DNM2: variants seen among roughly 807,000 people sequenced by gnomAD.
DNM2 encodes the protein dynamin-2.
Under a neutral mutation model 99.0 loss-of-function variants are expected in DNM2, and 15 were observed. That is an observed-to-expected ratio of 0.15 (90% CI 0.10 to 0.23). DNM2 has a LOEUF of 0.23. DNM2 is among the 10% of genes least tolerant of loss of function. The probability of loss-of-function intolerance (pLI) is 1.00; values close to 1 mark genes in which losing one functional copy is unlikely to be tolerated. For missense variants in DNM2, 742 were observed against 1,189.4 expected (o/e 0.62, Z 5.53); for synonymous variants, 525 against 481.2 (o/e 1.09, Z -1.19).
chr19:10,831,204 C>T lies in DNM2; in HGVS notation c.*157C>T. On this transcript the variant is annotated 3_prime_UTR_variant, in exon 21 of 21. Transcript: ENST00000389253. The surrounding 1 kb of genome is among the most constrained non-coding windows in gnomAD (Gnocchi z 4.3). ...GCTGGCCCCGGTCCAGGGCCGGCCC[C>T]TGTGCCTGGCTGGACACCGCACTGC... 1 of 1,395,064 alleles carries T rather than the reference C, an allele frequency of 7.2e-7. No homozygotes were observed. The highest frequency in any genetic ancestry group is 2.8e-5 in the East Asian group (1 of 35,276). The allele number at this position is 1,395,064 out of a possible 1,614,324, so 86.4% of individuals were successfully genotyped here.
rs2070743594 is a variant in DNM2 at position 10,764,835 on chromosome 19, C to T, written c.235+5024C>T. 6.6e-6 allele frequency among the ~76,000 whole-genome samples: 1 copy of T among 152,218 alleles called. No individual in the cohort carries two copies. Among genetic ancestry groups the T allele is most frequent in the Non-Finnish European group, 1.5e-5 (1 of 68,032 alleles). On this transcript the variant is annotated intron_variant, in intron 2 of 20. Coordinates refer to ENST00000389253, the MANE Select transcript of DNM2 (RefSeq NM_001005361.3). This position sits in a 1 kb window ranked among gnomAD's most constrained non-coding sequence, Gnocchi z 4.1. ...CTGCTTGGCCTCTGTGCTCACTGTG[C>T]TGCCTGCCTGGAACGCCCTGTTCCC...
At chr19:10,806,099 C>A in intron 13 of DNM2, 132 bp downstream of exon 13, 1 of 1,130,566 alleles carries the variant, frequency 8.8e-7, no homozygotes, top group East Asian at 2.5e-5. Flanking sequence ...GCCATCTGCT[C>A]TCTCTAGAGG....
chr19:10,813,825 CAA>C (rs371141451), intron 15 of DNM2, among the ~76,000 whole-genome samples: 28 of 114,976 alleles, frequency 2.4e-4, no homozygotes, highest in Admixed American at 3.7e-4. Context: ...GACACTGTCT[CAA>C]AAAAAAAAAA....
At chr19:10,758,767 A>G (rs1599493229) in intron 1 of DNM2, among the ~76,000 whole-genome samples, 1 of 151,648 alleles carries the variant, frequency 6.6e-6, no homozygotes, top group Admixed American at 6.6e-5. Context: ...GGCTGGTCTC[A>G]AACTCCTGAC....
At chr19:10,733,620 A>T (rs2069415525) in intron 1 of DNM2, among the ~76,000 whole-genome samples, 1 of 152,172 alleles carries the variant, frequency 6.6e-6, no homozygotes, top group African/African-American at 2.4e-5. Flanking sequence ...ACAACCAAGA[A>T]ATTAACCTAG....
intron 1 of DNM2, among the ~76,000 whole-genome samples, chr19:10,758,696 GCCACCACACTT>G (rs1365665019): frequency 6.6e-6 from 1 of 151,286 alleles, no homozygotes; most frequent in Non-Finnish European, 1.5e-5. Flanking sequence ...ACAGGCGTGT[GCCACCACACTT>G]GGATAATTTT....
rs2145925069 is a variant in DNM2, at chr19:10,775,959, T to C, written c.589+53T>C. The C allele has an allele frequency of 6.3e-7, 1 of 1,592,430 alleles. No homozygotes were observed. The highest frequency in any genetic ancestry group is 1.3e-5 in the African/African-American group (1 of 74,706). On this transcript the variant is annotated intron_variant, in intron 4 of 20. Coordinates refer to ENST00000389253, the MANE Select transcript of DNM2 (RefSeq NM_001005361.3). This position sits in a 1 kb window ranked among gnomAD's most constrained non-coding sequence, Gnocchi z 4.3. ...CTTCCAGGTGCCTCTGAGCATGGGA[T>C]GTGCCCAGCATCCTTGGTTCCAAGT...
intron 18 of DNM2, among the ~76,000 whole-genome samples, chr19:10,828,755 C>T (rs1568323799): frequency 6.6e-6 from 1 of 151,944 alleles, no homozygotes; most frequent in Admixed American, 6.6e-5. Context: ...GGAACCCTAT[C>T]TCTAAAAAAA....
intron 4 of DNM2, 70 bp from the exon 5 acceptor site, chr19:10,777,048 G>A: frequency 1.3e-6 from 2 of 1,516,680 alleles, no homozygotes; most frequent in Non-Finnish European, 1.8e-6. Flanking sequence ...GACCCCAGGT[G>A]GCTTGCAGCT....
chr19:10,786,751 C>A, intron 7 of DNM2, 45 bp downstream of exon 7: 5 of 1,612,594 alleles, frequency 3.1e-6, no homozygotes, highest in Non-Finnish European at 4.2e-6. Flanking sequence ...TGGCCCCTGC[C>A]TTCCATCAGC....
rs886054140 is a variant in DNM2 at position 10,802,358 on chromosome 19, A to G, written c.1493A>G (p.Asn498Ser). The G allele has an allele frequency of 1.2e-6, 2 of 1,614,156 alleles. No individual in the cohort carries two copies. The highest frequency in any genetic ancestry group is 1.7e-6 in the Non-Finnish European group (2 of 1,180,030). Residue 498 changes from asparagine (N) to serine (S), a missense_variant and splice_region_variant, in exon 12 of 21, where the codon AAT (asparagine) becomes AGT (serine). This residue lies in a region of DNM2 where 240 missense variants were observed against 431.3 expected (regional missense o/e 0.56). Transcript: ENST00000389253. ...CATGAGGACTTCATCGGGTTTGCCA[A>G]GTAGGTACTTTTAGAGACTGGCTGG... ...TNHEDFIGFA[N>S]AQQRSTQLNK...
chr19:10,813,600 G>T (rs1295945090), intron 15 of DNM2, among the ~76,000 whole-genome samples: 1 of 152,018 alleles, frequency 6.6e-6, no homozygotes, highest in Non-Finnish European at 1.5e-5. Flanking sequence ...GAGGTGGGAG[G>T]ATGGCCTGAG....
chr19:10,720,223 T>A lies in DNM2; in HGVS notation c.161+1820T>A, dbSNP rs542134306. Among the ~76,000 whole-genome samples, 197 of 150,680 alleles carry A rather than the reference T, an allele frequency of 1.3e-3. 1 individual carries two copies. In the Middle Eastern group the frequency reaches 0.024, roughly 18 times the overall value. ...TATTTTATTTATTTATTTATTTTTT[T>A]TTTTTTTGAGACAGAGTCTCCCTCT... On this transcript the variant is annotated intron_variant, in intron 1 of 20. Transcript: ENST00000389253.
At chr19:10,778,510 G>A (rs1292040760) in intron 5 of DNM2, among the ~76,000 whole-genome samples, 1 of 152,052 alleles carries the variant, frequency 6.6e-6, no homozygotes, top group Non-Finnish European at 1.5e-5. Flanking sequence ...AAGTTAGCTG[G>A]GCATGGTGGC....
intron 16 of DNM2, chr19:10,823,478 A>G: frequency 2.7e-6 from 1 of 366,758 alleles, no homozygotes; most frequent in Non-Finnish European, 5.2e-6. Flanking sequence ...TTTCCTGAAA[A>G]TGCCCCAGTG....
chr19:10,733,035 C>T (rs979063095), intron 1 of DNM2, among the ~76,000 whole-genome samples: 1 of 151,976 alleles, frequency 6.6e-6, no homozygotes, highest in Non-Finnish European at 1.5e-5. Context: ...AGACACCTGT[C>T]ACCATGCCCA....
At chr19:10,741,217 ACTTT>A (rs1038752579) in intron 1 of DNM2, among the ~76,000 whole-genome samples, 3 of 151,980 alleles carry the variant, frequency 2.0e-5, no homozygotes, top group East Asian at 1.9e-4. Context: ...GAAGTCTCCA[ACTTT>A]CTTTCTTTCT....
At chr19:10,805,494 G>A (rs2072298651) in intron 12 of DNM2, among the ~76,000 whole-genome samples, 1 of 152,122 alleles carries the variant, frequency 6.6e-6, no homozygotes, top group Non-Finnish European at 1.5e-5. Context: ...AATTAGCTGA[G>A]CATGGTGGTA....
intron 1 of DNM2, among the ~76,000 whole-genome samples, chr19:10,746,092 A>G (rs1318125825): frequency 6.6e-6 from 1 of 151,068 alleles, no homozygotes; most frequent in Non-Finnish European, 1.5e-5. Flanking sequence ...CTGAGCAGCT[A>G]GGAGTACAGG....
Sources: gnomAD v4.1 joint callset for allele counts (sites outside exome capture counted in the v4.1 genomes callset) on GRCh38, gnomAD v4.1.1 for gene constraint, gnomAD v4.1.1 regional missense constraint, Gnocchi (gnomAD v3.1) non-coding constraint, MANE v1.5 for transcripts, NCBI Gene and HGNC (gene_info 2026-07-23, HGNC 2026-07-21) for gene names.